The following LGR5 variants were observed in gnomAD, a reference collection of about 807,000 sequenced individuals.
LGR5 encodes the protein leucine-rich repeat-containing G protein-coupled receptor 5.
LGR5 carries 54 observed loss-of-function variants against 76.7 expected under a neutral mutation model. The observed-to-expected ratio is 0.70, with a 90% CI of 0.57 to 0.88. The LOEUF is 0.88. LGR5 is among the 40% of genes least tolerant of loss of function. The pLI is 0.00. For missense variants in LGR5, 1,078 were observed against 1,073.3 expected (o/e 1.00, Z -0.06); for synonymous variants, 406 against 421.9 (o/e 0.96, Z 0.46).
chr12:71,452,863 A>C (rs1030233473), intron 1 of LGR5, among the ~76,000 whole-genome samples: 7 of 152,200 alleles, frequency 4.6e-5, no homozygotes, highest in Admixed American at 1.3e-4. Context: ...TGGTGAGATA[A>C]TGCACATAAA....
At chr12:71,447,583 C>T (rs7961709) in intron 1 of LGR5, among the ~76,000 whole-genome samples, 56,529 of 152,028 alleles carry the variant, frequency 0.37, 10,885 homozygotes, top group African/African-American at 0.5. Context: ...TCCACACACT[C>T]ATTTTATCCT....
At chr12:71,508,441 C>A (rs1187028390) in intron 2 of LGR5, among the ~76,000 whole-genome samples, 5 of 152,026 alleles carry the variant, frequency 3.3e-5, no homozygotes, top group Non-Finnish European at 5.9e-5. Flanking sequence ...TAGAGATATA[C>A]ACTGACTTAA....
chr12:71,505,856 A>G (rs923524063), intron 2 of LGR5, among the ~76,000 whole-genome samples: 2 of 152,180 alleles, frequency 1.3e-5, no homozygotes, highest in African/African-American at 2.4e-5. Flanking sequence ...TTTGTCATTC[A>G]TGGAATAGAT....
rs1170410964 is a variant in LGR5, at chr12:71,580,335, C to T, written c.1464C>T (p.Ala488=). 15 of 1,613,526 alleles carry T rather than the reference C, an allele frequency of 9.3e-6. No homozygotes were observed. The highest frequency in any genetic ancestry group is 1.3e-5 in the Non-Finnish European group (15 of 1,179,722). The stretch of plus-strand genomic sequence containing the variant: ...GTGCATTTGGAGTGTGTGAGAATGC[C>T]TATAAGATTTCTAATCAATGGAATA... ...QCCAFGVCEN[A]YKISNQWNKG... is the part of the protein sequence containing the mutation. The change falls in exon 16 of 18, where the codon GCC becomes GCT. Residue 488 remains alanine (A), a synonymous_variant. Transcript: ENST00000266674.
At chr12:71,539,124 CTCTG>C (rs1386552043) in intron 4 of LGR5, among the ~76,000 whole-genome samples, 1 of 152,134 alleles carries the variant, frequency 6.6e-6, no homozygotes, top group African/African-American at 2.4e-5. Flanking sequence ...TTGGTCTCAG[CTCTG>C]TCTTACTTAA....
chr12:71,525,552 C>T (rs1399156816), intron 3 of LGR5, among the ~76,000 whole-genome samples: 1 of 151,848 alleles, frequency 6.6e-6, no homozygotes, highest in Non-Finnish European at 1.5e-5. Context: ...AATTTGGAAC[C>T]ATTCAAAATG....
At chr12:71,458,203 C>A (rs1384481100) in intron 1 of LGR5, among the ~76,000 whole-genome samples, 1 of 152,044 alleles carries the variant, frequency 6.6e-6, no homozygotes, top group Non-Finnish European at 1.5e-5. Flanking sequence ...GTATCTGTAA[C>A]CCTACTGTAA....
At chr12:71,582,738 G>A (rs1879145802) in intron 17 of LGR5, among the ~76,000 whole-genome samples, 199 bp downstream of exon 17, 1 of 152,144 alleles carries the variant, frequency 6.6e-6, no homozygotes, top group Non-Finnish European at 1.5e-5. Flanking sequence ...ATTGAGGTGG[G>A]AGGACTTTTG....
chr12:71,482,027 A>G (rs1377461167), intron 1 of LGR5, among the ~76,000 whole-genome samples: 2 of 152,200 alleles, frequency 1.3e-5, no homozygotes, highest in Non-Finnish European at 2.9e-5. Context: ...ATTATCTGCT[A>G]AAAGAGATTT....
intron 1 of LGR5, among the ~76,000 whole-genome samples, chr12:71,460,249 T>C (rs919295445): frequency 6.6e-6 from 1 of 151,778 alleles, no homozygotes; most frequent in African/African-American, 2.4e-5. Context: ...TGACTGGAAA[T>C]GAAAAAATGA....
intron 1 of LGR5, among the ~76,000 whole-genome samples, chr12:71,450,055 C>T (rs190081966): frequency 1.4e-4 from 21 of 152,288 alleles, no homozygotes; most frequent in South Asian, 6.2e-4. Flanking sequence ...CCTAATCCAA[C>T]GTCTTTATTT....
At chr12:71,496,890 C>CT (rs1874349686) in intron 1 of LGR5, among the ~76,000 whole-genome samples, 8 of 151,646 alleles carry the variant, frequency 5.3e-5, no homozygotes, top group Admixed American at 3.9e-4. Flanking sequence ...TAATATGAAA[C>CT]GTTAGATGTC....
At chr12:71,489,482 A>G (rs1289543257) in intron 1 of LGR5, among the ~76,000 whole-genome samples, 2 of 152,170 alleles carry the variant, frequency 1.3e-5, no homozygotes, top group East Asian at 1.9e-4. Context: ...TTTGATTTGA[A>G]TTGATTTTAT....
intron 3 of LGR5, among the ~76,000 whole-genome samples, chr12:71,528,852 T>C (rs1232436128): frequency 6.6e-6 from 1 of 152,192 alleles, no homozygotes; most frequent in African/African-American, 2.4e-5. Flanking sequence ...CAGCCTCAAT[T>C]CTCTGTTGCC....
chr12:71,484,808 G>T (rs1033632779), intron 1 of LGR5, among the ~76,000 whole-genome samples: 22 of 152,288 alleles, frequency 1.4e-4, no homozygotes, highest in Non-Finnish European at 2.9e-4. Context: ...AAATAGGGCA[G>T]AGGAATGCCC....
chr12:71,526,611 A>G (rs1162528069), intron 3 of LGR5, among the ~76,000 whole-genome samples: 2 of 152,320 alleles, frequency 1.3e-5, no homozygotes, highest in African/African-American at 2.4e-5. Context: ...CATGCCCTTG[A>G]AGAGTTTATA....
At chr12:71,571,449 C>A (rs1428426927) in intron 11 of LGR5, 65 bp from the exon 12 acceptor site, 89 of 1,218,900 alleles carry the variant, frequency 7.3e-5, no homozygotes, top group Non-Finnish European at 2.4e-6. Flanking sequence ...AAAAGGAGAG[C>A]AAAGCATGTT....
At chr12:71,563,223 C>T (rs1878149468) in intron 8 of LGR5, among the ~76,000 whole-genome samples, 1 of 152,182 alleles carries the variant, frequency 6.6e-6, no homozygotes, top group South Asian at 2.1e-4. Context: ...GCATCTGTTT[C>T]CATCTCTTCA....
At chr12:71,467,813 G>C (rs1272884718) in intron 1 of LGR5, among the ~76,000 whole-genome samples, 1 of 152,022 alleles carries the variant, frequency 6.6e-6, no homozygotes. Context: ...TCTAGAGATG[G>C]GTGTATTTTA....
Sources: allele counts gnomAD v4.1 joint callset (sites outside exome capture counted in the v4.1 genomes callset), GRCh38; gene constraint gnomAD v4.1.1; transcripts MANE v1.5; gene names NCBI Gene and HGNC (gene_info 2026-07-23, HGNC 2026-07-21).